Variants in PLXNC1 observed in about 807,000 individuals in gnomAD.
The protein encoded by PLXNC1 is plexin C1.
Under a neutral mutation model 178.2 loss-of-function variants are expected in PLXNC1, and 75 were observed. The ratio of observed to expected loss-of-function variants is 0.42; its 90% CI spans 0.35 to 0.51. The LOEUF is 0.51. PLXNC1 is among the 20% of genes least tolerant of loss of function. The pLI is 0.02. For synonymous variants in PLXNC1, 790 were observed against 779.9 expected, an observed-to-expected ratio of 1.01 and a Z score of -0.22; for missense variants, 1,503 against 1,984.4, an observed-to-expected ratio of 0.76 and a Z score of 4.61.
chr12:94,303,731 G>C (rs200311617), intron 28 of PLXNC1, 25 bp from the exon 29 acceptor site: 186 of 1,113,772 alleles, frequency 1.7e-4, no homozygotes, highest in African/African-American at 1.1e-3. Flanking sequence ...GGTGATGGTT[G>C]CTTTTTTTTT....
At chr12:94,220,504 T>G (rs1963764562) in intron 6 of PLXNC1, among the ~76,000 whole-genome samples, 1 of 152,142 alleles carries the variant, frequency 6.6e-6, no homozygotes, top group African/African-American at 2.4e-5. Context: ...GATGAGAAAT[T>G]TTAACAACCA....
intron 17 of PLXNC1, among the ~76,000 whole-genome samples, chr12:94,257,393 A>G (rs189151200): frequency 6.6e-6 from 1 of 152,332 alleles, no homozygotes; most frequent in Admixed American, 6.5e-5. Context: ...GCTTTGCATA[A>G]AGTAGGAGAA....
chr12:94,201,590 G>A (rs546567760), intron 4 of PLXNC1, among the ~76,000 whole-genome samples: 2 of 152,134 alleles, frequency 1.3e-5, no homozygotes, highest in East Asian at 3.9e-4. Flanking sequence ...CTTGCTTGAG[G>A]TCACCAGCTT....
intron 4 of PLXNC1, 48 bp downstream of exon 4, chr12:94,186,521 C>A: frequency 8.2e-7 from 1 of 1,212,692 alleles, no homozygotes; most frequent in South Asian, 1.2e-5. Flanking sequence ...GAAAAAGTGT[C>A]ATGCGGCAGA....
At chr12:94,285,231 A>T (rs1420990018) in intron 23 of PLXNC1, among the ~76,000 whole-genome samples, 1 of 152,184 alleles carries the variant, frequency 6.6e-6, no homozygotes, top group Non-Finnish European at 1.5e-5. Context: ...ATGGCTGTAC[A>T]GTCCCAGGGT....
At chr12:94,170,540 C>T (rs918548920) in intron 2 of PLXNC1, among the ~76,000 whole-genome samples, 2 of 152,146 alleles carry the variant, frequency 1.3e-5, no homozygotes, top group Non-Finnish European at 2.9e-5. Flanking sequence ...CTGGAGTGAC[C>T]TTGCTCTCCT....
intron 6 of PLXNC1, among the ~76,000 whole-genome samples, chr12:94,220,763 G>C (rs1214205402): frequency 6.6e-6 from 1 of 152,260 alleles, no homozygotes. Flanking sequence ...ATGGTGGAGG[G>C]GGAAGGGGTA....
At chr12:94,267,588 T>G (rs998456334) in intron 21 of PLXNC1, among the ~76,000 whole-genome samples, 1 of 152,196 alleles carries the variant, frequency 6.6e-6, no homozygotes, top group African/African-American at 2.4e-5. Flanking sequence ...TGAAAAGGAA[T>G]GGGCCACTTG....
Position 94,237,785 on chromosome 12 carries a change from G to C in PLXNC1, c.2102G>C (p.Ser701Thr), listed in dbSNP as rs765237326. 2 of 1,613,694 alleles carry C rather than the reference G, an allele frequency of 1.2e-6. No homozygotes were observed. Among genetic ancestry groups the C allele is most frequent in the Non-Finnish European group, 1.7e-6 (2 of 1,179,924 alleles). Residue 701 changes from serine (S) to threonine (T), a missense_variant, in exon 10 of 31, where the codon AGT becomes ACT. Around this residue, in one of 4 missense-constraint regions of PLXNC1, gnomAD observed 615 missense variants for 698.6 expected, o/e 0.88. Transcript: ENST00000258526. ...SNITMILKGT[S>T]TCDKDVIQVS... ...ATCACAATGATCCTGAAAGGAACCAGTACCTGTGATAAGGATGTGTGAGTC... is the reference window on the plus strand; with the variant it reads ...ATCACAATGATCCTGAAAGGAACCACTACCTGTGATAAGGATGTGTGAGTC...
chr12:94,203,583 T>A (rs1963205978), intron 4 of PLXNC1, among the ~76,000 whole-genome samples: 1 of 152,284 alleles, frequency 6.6e-6, no homozygotes, highest in Admixed American at 6.5e-5. Flanking sequence ...GCCTTCAAAA[T>A]TTTTGAGCAA....
Position 94,282,392 on chromosome 12 carries a change from C to T in PLXNC1, c.3870C>T (p.Gly1290=), listed in dbSNP as rs116194812. ...GAATCACCAAGCTAAACACCATTGG[C>T]CACTATGAGGTAAGAGCAAGACTTG... ...EDGITKLNTI[G]HYEISNGSTI... is the part of the protein sequence containing the mutation. Residue 1290 remains glycine, a synonymous_variant, in exon 23 of 31, where the codon GGC becomes GGT. Transcript: ENST00000258526. The T allele has an allele frequency of 1.9e-6, 3 of 1,606,372 alleles. No individual in the cohort carries two copies. Among genetic ancestry groups the T allele is most frequent in the African/African-American group, 1.3e-5 (1 of 74,918 alleles).
chr12:94,253,680 CT>C (rs60523235), intron 15 of PLXNC1, among the ~76,000 whole-genome samples: 37 of 148,478 alleles, frequency 2.5e-4, no homozygotes, highest in Middle Eastern at 3.4e-3. Context: ...TATGTAATTT[CT>C]TTTTTTTTTT....
In PLXNC1 at chr12:94,148,997, C is replaced by T. The variant is rs931020496; in HGVS notation, c.26C>T (p.Pro9Leu). Residue 9 changes from proline to leucine, a missense_variant, in exon 1 of 31, where the codon CCG becomes CTG. By Grantham distance (98) the Pro-to-Leu change is moderately conservative. This residue lies in a region of PLXNC1 where 176 missense variants were observed against 180.7 expected (regional missense o/e 0.97). Transcript: ENST00000258526. This position sits in a 1 kb window ranked among gnomAD's most constrained non-coding sequence, Gnocchi z 4.8. MEVSRRKAPPRPPRPAAPL... is the reference protein window; with the variant it reads MEVSRRKALPRPPRPAAPL... ...ATGGAGGTCTCCCGGAGGAAGGCGC[C>T]GCCGCGCCCCCCGCGCCCCGCAGCG... The T allele has an allele frequency of 6.5e-5, 95 of 1,452,470 alleles. No homozygotes were observed. Among genetic ancestry groups the T allele is most frequent in the Non-Finnish European group, 8.1e-5 (90 of 1,110,176 alleles). The allele number at this position is 1,452,470 out of a possible 1,614,324, so 90.0% of individuals were successfully genotyped here. A position where few individuals can be genotyped will look rare whatever the true frequency, so the allele number is the denominator to read the frequency against.
At chr12:94,191,392 G>C (rs1024358431) in intron 4 of PLXNC1, among the ~76,000 whole-genome samples, 16 of 152,206 alleles carry the variant, frequency 1.1e-4, no homozygotes, top group African/African-American at 3.6e-4. Context: ...TATTTTCTCT[G>C]TTGAGAAGGT....
At chr12:94,236,394 G>A (rs1964241325) in intron 9 of PLXNC1, among the ~76,000 whole-genome samples, 1 of 152,192 alleles carries the variant, frequency 6.6e-6, no homozygotes, top group South Asian at 2.1e-4. Flanking sequence ...CTGTAGCCCA[G>A]CAATGCCACC....
intron 2 of PLXNC1, among the ~76,000 whole-genome samples, chr12:94,179,433 A>G (rs372696201): frequency 2.0e-5 from 3 of 152,186 alleles, no homozygotes; most frequent in East Asian, 3.8e-4. Context: ...AAGGTTAGGT[A>G]CAAAGGTGAT....
intron 9 of PLXNC1, among the ~76,000 whole-genome samples, chr12:94,229,506 G>A (rs887686104): frequency 6.6e-6 from 1 of 151,978 alleles, no homozygotes; most frequent in African/African-American, 2.4e-5. Flanking sequence ...CTTTCTTTCT[G>A]CATTTATTTG....
chr12:94,276,528 G>T (rs1965973168), intron 21 of PLXNC1, among the ~76,000 whole-genome samples: 1 of 152,224 alleles, frequency 6.6e-6, no homozygotes, highest in African/African-American at 2.4e-5. Context: ...CGAGGGGTTT[G>T]TGGCACCAAT....
intron 9 of PLXNC1, among the ~76,000 whole-genome samples, chr12:94,236,590 T>C (rs1006077156): frequency 6.6e-6 from 1 of 152,226 alleles, no homozygotes; most frequent in Admixed American, 6.5e-5. Context: ...TAAGCATCTC[T>C]GGACTTTGGG....
Sources: allele counts gnomAD v4.1 joint callset (sites outside exome capture counted in the v4.1 genomes callset), GRCh38; gene constraint gnomAD v4.1.1; regional missense constraint gnomAD v4.1.1; non-coding constraint Gnocchi (gnomAD v3.1); transcripts MANE v1.5; gene names NCBI Gene and HGNC (gene_info 2026-07-23, HGNC 2026-07-21).